The following ARHGAP26 variants were observed in gnomAD, a reference collection of about 807,000 sequenced individuals.
ARHGAP26 encodes Rho GTPase activating protein 26.
A neutral mutation model predicts 104.8 loss-of-function variants in ARHGAP26; 38 were observed. The ratio of observed to expected loss-of-function variants is 0.36; its 90% CI spans 0.28 to 0.48. The LOEUF (loss-of-function observed/expected upper bound fraction) is 0.48, where lower values mean the gene tolerates loss of function less well. Among genes scored for constraint, ARHGAP26 ranks in the 20% least tolerant of loss-of-function variants. ARHGAP26 has a pLI of 0.99. For missense variants in ARHGAP26, 704 were observed against 947.9 expected (o/e 0.74, Z 3.38); for synonymous variants, 341 against 340.0 (o/e 1.00, Z -0.03).
At chr5:143,203,607 A>G (rs1428699610) in intron 20 of ARHGAP26, 4 of 152,246 alleles carry the variant, frequency 2.6e-5, no homozygotes, top group African/African-American at 7.2e-5. Flanking sequence ...ATTCTACTAT[A>G]AAGACACATG....
chr5:143,109,310 A>AT (rs1794473018), intron 17 of ARHGAP26, among the ~76,000 whole-genome samples: 1 of 152,256 alleles, frequency 6.6e-6, no homozygotes, highest in South Asian at 2.1e-4. Flanking sequence ...TAACACAGAT[A>AT]TATAGGCGCA....
intron 12 of ARHGAP26, among the ~76,000 whole-genome samples, chr5:143,034,719 T>C (rs1782364242): frequency 6.6e-6 from 1 of 152,012 alleles, no homozygotes; most frequent in Non-Finnish European, 1.5e-5. Flanking sequence ...TTAAAATGGG[T>C]AAACTTATGG....
At chr5:143,115,627 A>G (rs559979300) in intron 17 of ARHGAP26, among the ~76,000 whole-genome samples, 3 of 152,216 alleles carry the variant, frequency 2.0e-5, no homozygotes, top group African/African-American at 7.2e-5. Context: ...CACTTTCATC[A>G]GCACTACCTC....
chr5:143,134,696 C>T (rs573262826), intron 19 of ARHGAP26, among the ~76,000 whole-genome samples: 1 of 152,360 alleles, frequency 6.6e-6, no homozygotes, highest in African/African-American at 2.4e-5. Flanking sequence ...ATCCGTTTTT[C>T]ATCTCAGGAT....
chr5:143,048,049 A>G (rs1784465912), intron 14 of ARHGAP26, among the ~76,000 whole-genome samples: 1 of 152,048 alleles, frequency 6.6e-6, no homozygotes, highest in Admixed American at 6.5e-5. Context: ...AGGTTTCACC[A>G]TGTTGGCCAG....
intron 17 of ARHGAP26, among the ~76,000 whole-genome samples, chr5:143,062,248 A>C (rs1418047207): frequency 6.6e-6 from 1 of 152,176 alleles, no homozygotes; most frequent in Non-Finnish European, 1.5e-5. Flanking sequence ...AGCTGGTGGG[A>C]GGTAAGAGAG....
chr5:143,025,456 T>C (rs17541029), intron 12 of ARHGAP26, among the ~76,000 whole-genome samples: 73,572 of 152,116 alleles, frequency 0.48, 22,737 homozygotes, highest in Non-Finnish European at 0.69. Flanking sequence ...TTTGAAACAC[T>C]TCCACCCTCA....
chr5:143,147,727 G>A (rs1799335264), intron 20 of ARHGAP26, among the ~76,000 whole-genome samples: 1 of 152,068 alleles, frequency 6.6e-6, no homozygotes, highest in Non-Finnish European at 1.5e-5. Flanking sequence ...CTCTGTGGCC[G>A]AGTTTGTTTC....
At chr5:142,869,181 T>C (rs1451144349) in intron 1 of ARHGAP26, among the ~76,000 whole-genome samples, 1 of 128,810 alleles carries the variant, frequency 7.8e-6, no homozygotes, top group Non-Finnish European at 1.6e-5. Flanking sequence ...ATCACTTTCT[T>C]TTCTTTTCTT....
intron 17 of ARHGAP26, among the ~76,000 whole-genome samples, chr5:143,103,607 C>T (rs1035083385): frequency 6.6e-6 from 1 of 151,954 alleles, no homozygotes; most frequent in Admixed American, 6.5e-5. Context: ...CCATGGAATA[C>T]TATGAAGCCA....
chr5:143,038,520 C>T (rs1380878140), intron 13 of ARHGAP26, among the ~76,000 whole-genome samples: 1 of 151,834 alleles, frequency 6.6e-6, no homozygotes, highest in Non-Finnish European at 1.5e-5. Context: ...GGATATGGGC[C>T]AGATTGAGCC....
At chr5:142,965,026 C>T (rs1346840723) in intron 11 of ARHGAP26, among the ~76,000 whole-genome samples, 1 of 152,172 alleles carries the variant, frequency 6.6e-6, no homozygotes, top group Non-Finnish European at 1.5e-5. Context: ...GGTCACATGT[C>T]CACTGGACAA....
At chr5:142,890,151 AATATAT>A (rs752591382) in intron 5 of ARHGAP26, among the ~76,000 whole-genome samples, 696 of 32,290 alleles carry the variant, frequency 0.022, 17 homozygotes, top group Non-Finnish European at 0.029. Context: ...AAAAAAAAAA[AATATAT>A]ATATATATAT....
intron 1 of ARHGAP26, among the ~76,000 whole-genome samples, chr5:142,794,955 T>C (rs1760674022): frequency 6.6e-6 from 1 of 152,194 alleles, no homozygotes; most frequent in African/African-American, 2.4e-5. Context: ...TGGATTAGAC[T>C]ACAAAGGTGG....
intron 17 of ARHGAP26, among the ~76,000 whole-genome samples, chr5:143,090,593 A>C (rs1387465583): frequency 6.6e-6 from 1 of 152,208 alleles, no homozygotes; most frequent in East Asian, 1.9e-4. Context: ...CTGAAACCTC[A>C]GCCCCCATAG....
chr5:142,800,438 C>T (rs763166319), intron 1 of ARHGAP26, among the ~76,000 whole-genome samples: 15 of 151,154 alleles, frequency 9.9e-5, no homozygotes, highest in East Asian at 3.9e-4. Context: ...AGCGTGATCT[C>T]GGCTTACTGC....
chr5:142,827,179 C>G (rs1203940848), intron 1 of ARHGAP26, among the ~76,000 whole-genome samples: 2 of 151,736 alleles, frequency 1.3e-5, no homozygotes, highest in East Asian at 1.9e-4. Context: ...TTGGTGAGAC[C>G]TGAGGAATGA....
chr5:142,815,959 G>GT (rs35136715), intron 1 of ARHGAP26, among the ~76,000 whole-genome samples: 272 of 144,994 alleles, frequency 1.9e-3, no homozygotes, highest in Middle Eastern at 3.5e-3. Flanking sequence ...CATGCTTATT[G>GT]TTTTTTTTTT....
chr5:143,179,414 G>T (rs1310250699), intron 20 of ARHGAP26, among the ~76,000 whole-genome samples: 1 of 152,184 alleles, frequency 6.6e-6, no homozygotes, highest in African/African-American at 2.4e-5. Context: ...GACCAGCCTG[G>T]GATCTCCTGG....
Sources: allele counts gnomAD v4.1 joint callset (sites outside exome capture counted in the v4.1 genomes callset), GRCh38; gene constraint gnomAD v4.1.1; transcripts MANE v1.5; gene names NCBI Gene and HGNC (gene_info 2026-07-23, HGNC 2026-07-21).